Variants in RBFOX3 observed in about 807,000 individuals in gnomAD.
RBFOX3 encodes the protein RNA binding fox-1 homolog 3.
Under a neutral mutation model 48.7 loss-of-function variants are expected in RBFOX3, and 17 were observed. The observed-to-expected ratio is 0.35, with a 90% confidence interval of 0.24 to 0.52. The LOEUF (loss-of-function observed/expected upper bound fraction) is 0.52, where lower values mean the gene tolerates loss of function less well. Ranked by LOEUF, RBFOX3 falls within the 20% of genes least tolerant of loss-of-function variation. The pLI, the probability that RBFOX3 is intolerant of heterozygous loss-of-function variation, is 0.94. For missense variants in RBFOX3, 382 were observed against 497.5 expected, an observed-to-expected ratio of 0.77 and a Z score of 2.21; for synonymous variants, 212 against 209.5, an observed-to-expected ratio of 1.01 and a Z score of -0.10.
chr17:79,640,083 C>T, the RBFOX3 span, among the ~76,000 whole-genome samples: 2 of 152,100 alleles, frequency 1.3e-5, no homozygotes, highest in Non-Finnish European at 2.9e-5. Context: ...AAAAACTCAA[C>T]AACCAAAAAA....
intron 3 of RBFOX3, among the ~76,000 whole-genome samples, chr17:79,274,346 C>T (rs2068312642): frequency 6.6e-6 from 1 of 152,188 alleles, no homozygotes; most frequent in South Asian, 2.1e-4. Context: ...ATAGTACCGC[C>T]TCATCGGATG....
intron 3 of RBFOX3, among the ~76,000 whole-genome samples, chr17:79,297,373 C>G (rs1455132621): frequency 6.6e-6 from 1 of 152,178 alleles, no homozygotes; most frequent in Non-Finnish European, 1.5e-5. Context: ...AGCACCAAAG[C>G]TGGGGTGCTG....
chr17:79,336,437 AAT>A (rs1241861545), intron 2 of RBFOX3, among the ~76,000 whole-genome samples: 2 of 152,088 alleles, frequency 1.3e-5, no homozygotes, highest in African/African-American at 4.8e-5. Flanking sequence ...TGAAAAAAAA[AAT>A]AAATCCCACT....
intron 4 of RBFOX3, among the ~76,000 whole-genome samples, chr17:79,158,600 C>T (rs567942243): frequency 4.0e-4 from 61 of 152,342 alleles, no homozygotes; most frequent in Non-Finnish European, 7.5e-4. Flanking sequence ...CAGAGGCAGG[C>T]AGGGTCTGCT....
intron 14 of RBFOX3, chr17:79,092,498 G>T: frequency 1.0e-6 from 1 of 986,094 alleles, no homozygotes; most frequent in Admixed American, 6.1e-5. Context: ...TGACCGGGAG[G>T]GGTGCACTGT....
At chr17:79,143,387 G>A (rs563603188) in intron 4 of RBFOX3, among the ~76,000 whole-genome samples, 6 of 138,000 alleles carry the variant, frequency 4.3e-5, no homozygotes, top group Non-Finnish European at 9.5e-5. Context: ...GGGTGGGGGG[G>A]GGTTCTATAA....
At chr17:79,227,660 CAT>C (rs1254103156) in intron 4 of RBFOX3, among the ~76,000 whole-genome samples, 1 of 152,150 alleles carries the variant, frequency 6.6e-6, no homozygotes, top group East Asian at 1.9e-4. Flanking sequence ...AACTGGAGCA[CAT>C]GTGATGGCCA....
At chr17:79,357,491 T>C (rs1414488947) in intron 2 of RBFOX3, among the ~76,000 whole-genome samples, 1 of 151,914 alleles carries the variant, frequency 6.6e-6, no homozygotes, top group Non-Finnish European at 1.5e-5. Context: ...ATTAGCTGGG[T>C]GTGGTGGCGC....
chr17:79,438,978 G>C (rs1418400933), intron 2 of RBFOX3, among the ~76,000 whole-genome samples: 1 of 152,204 alleles, frequency 6.6e-6, no homozygotes, highest in Non-Finnish European at 1.5e-5. Flanking sequence ...CCCTCCTCCC[G>C]AAACCATCAG....
intron 1 of RBFOX3, among the ~76,000 whole-genome samples, chr17:79,568,237 C>G (rs2092540701): frequency 6.6e-6 from 1 of 152,178 alleles, no homozygotes; most frequent in Admixed American, 6.5e-5. Flanking sequence ...ATGCTGTAAA[C>G]TCAGTACCGA....
rs946563531 is a variant in RBFOX3, at chr17:79,559,171, T to G, written c.-320+51655A>C. Among the ~76,000 whole-genome samples, 29 of 152,312 alleles carry G rather than the reference T, an allele frequency of 1.9e-4. No individual in the cohort carries two copies. The East Asian group carries it at 5.4e-3, about 28-fold the overall frequency. ...GAGGATGGGAGGGGCGGGGGTTGTC[T>G]GTCTTTTTTTCCCATGATTGTCTTA... On this transcript the variant is annotated intron_variant, in intron 1 of 14. Coordinates refer to ENST00000693108, the MANE Select transcript of RBFOX3 (RefSeq NM_001350451.2).
intron 4 of RBFOX3, among the ~76,000 whole-genome samples, chr17:79,156,795 C>A (rs1325683936): frequency 6.6e-6 from 1 of 152,154 alleles, no homozygotes; most frequent in Non-Finnish European, 1.5e-5. Context: ...AGCTGGACAG[C>A]AGGACAGGGT....
At position 79,482,761 on chromosome 17, in the gene RBFOX3, G is replaced by C. The variant is rs1475954978; in HGVS notation, c.-319-163C>G. Among the ~76,000 whole-genome samples the C allele has an allele frequency of 6.6e-6, 1 of 152,036 alleles. No individual in the cohort carries two copies. Among genetic ancestry groups the C allele is most frequent in the Non-Finnish European group, 1.5e-5 (1 of 67,984 alleles). ...GATTGAGGGATCAGCACCCTCCAAA[G>C]GGCACTTTGCTTTTTATGCCCCAGG... On this transcript the variant is annotated intron_variant, in intron 1 of 14. Coordinates refer to ENST00000693108, the MANE Select transcript of RBFOX3 (RefSeq NM_001350451.2). The surrounding 1 kb of genome is among the most constrained non-coding windows in gnomAD (Gnocchi z 4.1).
At chr17:79,594,750 G>A (rs1307948921) in intron 1 of RBFOX3, among the ~76,000 whole-genome samples, 9 of 152,174 alleles carry the variant, frequency 5.9e-5, no homozygotes. Context: ...GGATGTGAAA[G>A]GTTCTGGTGT....
intron 1 of RBFOX3, among the ~76,000 whole-genome samples, chr17:79,572,041 C>G (rs2144575035): frequency 6.6e-6 from 1 of 152,314 alleles, no homozygotes; most frequent in African/African-American, 2.4e-5. Flanking sequence ...TTTAACCCTC[C>G]TGGGCATCCC....
At chr17:79,215,680 C>T (rs1413913273) in intron 4 of RBFOX3, among the ~76,000 whole-genome samples, 1 of 152,236 alleles carries the variant, frequency 6.6e-6, no homozygotes, top group African/African-American at 2.4e-5. Flanking sequence ...AAACTGGTCC[C>T]CAAAGGCTGT....
intron 1 of RBFOX3, among the ~76,000 whole-genome samples, chr17:79,492,380 A>G (rs1292817082): frequency 3.9e-5 from 6 of 152,234 alleles, no homozygotes; most frequent in Non-Finnish European, 4.4e-5. Flanking sequence ...AGGTTCATCA[A>G]TTCTAAGATT....
At chr17:79,399,796 G>A (rs1006816996) in intron 2 of RBFOX3, among the ~76,000 whole-genome samples, 1 of 152,200 alleles carries the variant, frequency 6.6e-6, no homozygotes, top group African/African-American at 2.4e-5. Flanking sequence ...ACAGACCCTC[G>A]GGCGCTCCCG....
chr17:79,286,273 G>C (rs1008825443), intron 3 of RBFOX3, among the ~76,000 whole-genome samples: 1 of 151,292 alleles, frequency 6.6e-6, no homozygotes. Flanking sequence ...GCCCCTTAGA[G>C]AGCCTGGTAA....
Sources: gnomAD v4.1 joint callset for allele counts (sites outside exome capture counted in the v4.1 genomes callset) on GRCh38, gnomAD v4.1.1 for gene constraint, Gnocchi (gnomAD v3.1) non-coding constraint, MANE v1.5 for transcripts, NCBI Gene and HGNC (gene_info 2026-07-23, HGNC 2026-07-21) for gene names.